Variants in COG5 observed in about 807,000 individuals in gnomAD.
The protein encoded by COG5 is conserved oligomeric Golgi complex subunit 5.
COG5 carries 86 observed loss-of-function variants against 110.4 expected under a neutral mutation model. That is an observed-to-expected ratio of 0.78 (90% confidence interval 0.65 to 0.93). The LOEUF is 0.93. Among genes scored for constraint, COG5 ranks in the 40% least tolerant of loss-of-function variants. The pLI is 0.00. For synonymous variants in COG5, 360 were observed against 334.6 expected (o/e 1.08, Z -0.83); for missense variants, 1,077 against 987.0 (o/e 1.09, Z -1.22).
chr7:107,458,641 G>A (rs1795805992), intron 6 of COG5, among the ~76,000 whole-genome samples: 1 of 152,110 alleles, frequency 6.6e-6, no homozygotes, highest in African/African-American at 2.4e-5. Flanking sequence ...GATCACATGA[G>A]GCCAGGAGTT....
In COG5 at chr7:107,382,685, C is replaced by T. The variant is rs1272488829; in HGVS notation, c.670-9925G>A. On this transcript the variant is annotated intron_variant, in intron 7 of 21. Coordinates refer to ENST00000297135, the MANE Select transcript of COG5 (RefSeq NM_006348.5). ...AACTCCTGACCTCAAGTGATCCACC[C>T]GCCTCAGCCTCCCAAAGTGCTGAGA... Among the ~76,000 whole-genome samples the T allele has an allele frequency of 5.3e-5, 8 of 152,052 alleles. No individual in the cohort carries two copies. The South Asian group carries it at 1.0e-3, about 20-fold the overall frequency.
At chr7:107,442,460 A>G (rs1461764905) in intron 6 of COG5, among the ~76,000 whole-genome samples, 1 of 151,398 alleles carries the variant, frequency 6.6e-6, no homozygotes, top group African/African-American at 2.4e-5. Context: ...ATATGGCTGT[A>G]TGTGTCAGGA....
intron 18 of COG5, among the ~76,000 whole-genome samples, chr7:107,235,518 T>C (rs1221880024): frequency 6.6e-6 from 1 of 152,152 alleles, no homozygotes; most frequent in Non-Finnish European, 1.5e-5. Flanking sequence ...GCTTGGCCAA[T>C]ACGGTTAAAC....
chr7:107,561,741 C>T (rs550279760), intron 1 of COG5, among the ~76,000 whole-genome samples: 1 of 152,278 alleles, frequency 6.6e-6, no homozygotes, highest in African/African-American at 2.4e-5. Context: ...CTCTGGGAGG[C>T]CAAGGCAGGC....
At chr7:107,337,902 A>G (rs989106502) in intron 10 of COG5, among the ~76,000 whole-genome samples, 3 of 152,166 alleles carry the variant, frequency 2.0e-5, no homozygotes, top group African/African-American at 4.8e-5. Context: ...TATCATAAGT[A>G]CCCCATGAAT....
At chr7:107,413,452 G>T (rs1440077879) in intron 6 of COG5, among the ~76,000 whole-genome samples, 1 of 150,968 alleles carries the variant, frequency 6.6e-6, no homozygotes, top group Non-Finnish European at 1.5e-5. Context: ...CTGGGAGGGA[G>T]AAAGGTCTAT....
chr7:107,504,814 T>A (rs1044482618), intron 6 of COG5, among the ~76,000 whole-genome samples: 3 of 152,200 alleles, frequency 2.0e-5, no homozygotes, highest in Non-Finnish European at 2.9e-5. Flanking sequence ...TCTCAAATGA[T>A]CTATTGCGTT....
chr7:107,548,225 T>A, intron 4 of COG5, 45 bp from the exon 5 acceptor site: 1 of 1,603,832 alleles, frequency 6.2e-7, no homozygotes, highest in Non-Finnish European at 8.5e-7. Context: ...TTTCAGAATA[T>A]CAATGGATAA....
intron 7 of COG5, among the ~76,000 whole-genome samples, chr7:107,402,028 C>T (rs1461981158): frequency 6.6e-6 from 1 of 152,082 alleles, no homozygotes; most frequent in Non-Finnish European, 1.5e-5. Context: ...TTTTTAACTG[C>T]AAAAGTGAAA....
chr7:107,385,323 T>C (rs1429011609), intron 7 of COG5, among the ~76,000 whole-genome samples: 1 of 152,222 alleles, frequency 6.6e-6, no homozygotes, highest in Non-Finnish European at 1.5e-5. Context: ...TACGTTTCTA[T>C]TGTTTTAAGC....
chr7:107,415,198 T>A (rs1156320682), intron 6 of COG5, among the ~76,000 whole-genome samples: 1 of 152,160 alleles, frequency 6.6e-6, no homozygotes, highest in African/African-American at 2.4e-5. Flanking sequence ...ACGTATGAAA[T>A]TGGGTTGGTG....
chr7:107,206,774 T>A (rs1798817114), intron 21 of COG5, among the ~76,000 whole-genome samples: 1 of 152,186 alleles, frequency 6.6e-6, no homozygotes, highest in South Asian at 2.1e-4. Context: ...TTTTGGGTAG[T>A]CATCAAAAAC....
chr7:107,545,779 CAAAAA>C (rs59515448), intron 5 of COG5, among the ~76,000 whole-genome samples: 1 of 69,850 alleles, frequency 1.4e-5, no homozygotes, highest in African/African-American at 6.1e-5. Flanking sequence ...GACTCCATCT[CAAAAA>C]AAAAAAAAAA....
intron 14 of COG5, among the ~76,000 whole-genome samples, chr7:107,275,119 G>A (rs964233354): frequency 7.2e-5 from 11 of 151,994 alleles, no homozygotes; most frequent in African/African-American, 2.2e-4. Context: ...AAAGGATGAA[G>A]TAATCCTAAA....
intron 5 of COG5, among the ~76,000 whole-genome samples, chr7:107,546,604 AGTT>A (rs1802476156): frequency 6.6e-6 from 1 of 151,474 alleles, no homozygotes; most frequent in African/African-American, 2.4e-5. Flanking sequence ...TTGCTATAAG[AGTT>A]GGTGTTTTGA....
At chr7:107,247,026 A>C (rs927667379) in intron 17 of COG5, among the ~76,000 whole-genome samples, 83 of 152,348 alleles carry the variant, frequency 5.4e-4, no homozygotes, top group Non-Finnish European at 1.0e-4. Context: ...ACACCATGGA[A>C]TACTATGCAG....
chr7:107,436,154 G>A (rs577248335), intron 6 of COG5, among the ~76,000 whole-genome samples: 22 of 152,292 alleles, frequency 1.4e-4, no homozygotes, highest in African/African-American at 5.3e-4. Context: ...TGGGGAGAGG[G>A]AAGGATGAAG....
At chr7:107,496,878 T>C (rs1257974919) in intron 6 of COG5, among the ~76,000 whole-genome samples, 4 of 151,922 alleles carry the variant, frequency 2.6e-5, no homozygotes, top group Admixed American at 6.6e-5. Flanking sequence ...AACAAAATAC[T>C]CAGTTGCGAA....
At chr7:107,372,785 G>A in intron 7 of COG5, 25 bp from the exon 8 acceptor site, 1 of 1,611,074 alleles carries the variant, frequency 6.2e-7, no homozygotes, top group South Asian at 1.1e-5. Flanking sequence ...GGGTGGGGTG[G>A]AAACAGATAT....
Sources: gnomAD v4.1 joint callset for allele counts (sites outside exome capture counted in the v4.1 genomes callset) on GRCh38, gnomAD v4.1.1 for gene constraint, MANE v1.5 for transcripts, NCBI Gene and HGNC (gene_info 2026-07-23, HGNC 2026-07-21) for gene names.